PKP4: variants seen among roughly 807,000 people sequenced by gnomAD.
The protein encoded by PKP4 is plakophilin-4.
In PKP4, 90 loss-of-function variants were observed where a neutral mutation model predicts 145.1. The ratio of observed to expected loss-of-function variants is 0.62; its 90% CI spans 0.52 to 0.74. The LOEUF is 0.74. PKP4 is among the 30% of genes least tolerant of loss of function. The pLI is 0.00. For synonymous variants in PKP4, 563 were observed against 577.2 expected, an observed-to-expected ratio of 0.98 and a Z score of 0.35; for missense variants, 1,340 against 1,482.7, an observed-to-expected ratio of 0.90 and a Z score of 1.58.
At chr2:158,542,468 A>G (rs1162520716) in intron 2 of PKP4, among the ~76,000 whole-genome samples, 1 of 152,202 alleles carries the variant, frequency 6.6e-6, no homozygotes, top group Admixed American at 6.5e-5. Context: ...ATGCTGTTGC[A>G]TTTCGCTCAT....
rs1021697560 is a variant in PKP4 at position 158,507,705 on chromosome 2, T to C, written c.-5-25475T>C. Among the ~76,000 whole-genome samples, 6 of 152,060 alleles carry C rather than the reference T, an allele frequency of 3.9e-5. No individual in the cohort carries two copies. The East Asian group carries it at 5.8e-4, about 15-fold the overall frequency. On this transcript the variant is annotated intron_variant, in intron 1 of 21. Transcript: ENST00000389759. ...AACATTGATGTCTTGCTCAAACTTA[T>C]TTTTTTTCTCTCACACATTTCAAAA...
intron 15 of PKP4, among the ~76,000 whole-genome samples, chr2:158,663,966 G>C (rs2056848748): frequency 6.6e-6 from 1 of 152,200 alleles, no homozygotes; most frequent in Non-Finnish European, 1.5e-5. Context: ...CAGGACTACT[G>C]GCTGCCCACT....
chr2:158,635,041 A>C (rs1191481618), intron 9 of PKP4, among the ~76,000 whole-genome samples: 1 of 1,248 alleles, frequency 8.0e-4, no homozygotes, highest in Non-Finnish European at 0.018. Flanking sequence ...TTGTTGCTAA[A>C]TTTTAAGCGC....
chr2:158,605,692 T>A (rs1015217496), intron 4 of PKP4, among the ~76,000 whole-genome samples: 7 of 152,058 alleles, frequency 4.6e-5, no homozygotes, highest in African/African-American at 1.7e-4. Context: ...TACTCTTAAA[T>A]TTTTTTTAGT....
At chr2:158,557,260 A>G (rs1254432108) in intron 2 of PKP4, among the ~76,000 whole-genome samples, 1 of 151,986 alleles carries the variant, frequency 6.6e-6, no homozygotes, top group East Asian at 1.9e-4. Flanking sequence ...AATAATAGCC[A>G]GTAATACTAT....
Position 158,643,351 on chromosome 2 carries a change from T to G in PKP4, c.1909+652T>G, listed in dbSNP as rs59592745. Among the ~76,000 whole-genome samples the G allele has an allele frequency of 6.6e-5, 10 of 152,238 alleles. No individual in the cohort carries two copies. In the East Asian group the frequency reaches 1.7e-3, roughly 26 times the overall value. ...GCTGGATAGGCAGAGGTCTTTCTAG[T>G]TACAAGCTCCGAAACAGCATGGGAT... is the stretch of plus-strand genomic sequence containing the variant. On this transcript the variant is annotated intron_variant, in intron 11 of 21. Transcript: ENST00000389759.
chr2:158,523,837 A>G (rs1011885964), intron 1 of PKP4, among the ~76,000 whole-genome samples: 2 of 139,290 alleles, frequency 1.4e-5, no homozygotes, highest in Non-Finnish European at 3.1e-5. Flanking sequence ...TGAAGAATGC[A>G]GAAGCCTCAG....
rs538386156 is a variant in PKP4 at position 158,530,047 on chromosome 2, A to G, written c.-5-3133A>G. Among the ~76,000 whole-genome samples the G allele has an allele frequency of 4.6e-5, 7 of 152,308 alleles. No homozygotes were observed. In the South Asian group the frequency reaches 1.2e-3, roughly 27 times the overall value. ...GTCAGCAGTTGCCCTTATTCCAGCC[A>G]CATTTCTATGTTAATGACAATGTGA... On this transcript the variant is annotated intron_variant, in intron 1 of 21. Transcript: ENST00000389759.
intron 4 of PKP4, among the ~76,000 whole-genome samples, chr2:158,604,870 A>G (rs2050523724): frequency 6.6e-6 from 1 of 152,232 alleles, no homozygotes; most frequent in African/African-American, 2.4e-5. Context: ...CATGTGGGCC[A>G]GAGTGCTGTG....
chr2:158,664,967 G>T (rs1034216232), intron 15 of PKP4, among the ~76,000 whole-genome samples: 1 of 152,182 alleles, frequency 6.6e-6, no homozygotes, highest in African/African-American at 2.4e-5. Context: ...AATTGAAATC[G>T]ATGTGATTTG....
intron 11 of PKP4, among the ~76,000 whole-genome samples, chr2:158,650,743 C>T (rs1423245052): frequency 2.0e-5 from 3 of 152,238 alleles, no homozygotes; most frequent in Non-Finnish European, 4.4e-5. Context: ...CCGAGCACAG[C>T]TGGACCTGAG....
rs2044501499 is a variant in PKP4, at chr2:158,541,248, T to C, written c.132+7932T>C. 2.6e-5 allele frequency among the ~76,000 whole-genome samples: 4 copies of C among 152,266 alleles called. No individual in the cohort carries two copies. The South Asian group carries it at 8.3e-4, about 32-fold the overall frequency. ...AGGGCTCCCAATTTCTAAATTGCCA[T>C]TTTTGTTACTTTGCAAAAATGTGTC... is the stretch of plus-strand genomic sequence containing the variant. On this transcript the variant is annotated intron_variant, in intron 2 of 21. Transcript: ENST00000389759.
At position 158,640,623 on chromosome 2, in the gene PKP4, G is replaced by A. The variant is rs779482889; in HGVS notation, c.1563-4G>A. ...CTTTCTGAAGCCATGTTTTTCTCAT[G>A]TAGGGAGTTTGCCTGGCGTGATCCT... On this transcript the variant is annotated splice_polypyrimidine_tract_variant and splice_region_variant and intron_variant, in intron 9 of 21. Transcript: ENST00000389759. 1.2e-6 allele frequency: 2 copies of A among 1,612,354 alleles called. No individual in the cohort carries two copies. The highest frequency in any genetic ancestry group is 1.7e-6 in the Non-Finnish European group (2 of 1,179,764).
At chr2:158,483,306 G>GT (rs1224631933) in intron 1 of PKP4, among the ~76,000 whole-genome samples, 2 of 149,326 alleles carry the variant, frequency 1.3e-5, no homozygotes, top group Admixed American at 1.3e-4. Flanking sequence ...TTCTGGGAAT[G>GT]TTTGATCTTT....
intron 1 of PKP4, among the ~76,000 whole-genome samples, chr2:158,464,022 T>A (rs1690199222): frequency 6.6e-6 from 1 of 152,200 alleles, no homozygotes; most frequent in Non-Finnish European, 1.5e-5. Flanking sequence ...CTTACTTGTC[T>A]ACAACCAGTC....
chr2:158,541,174 C>G (rs1431307908), intron 2 of PKP4, among the ~76,000 whole-genome samples: 1 of 152,088 alleles, frequency 6.6e-6, no homozygotes, highest in Non-Finnish European at 1.5e-5. Context: ...TAAAGTTATT[C>G]CGTAGCTATT....
intron 1 of PKP4, among the ~76,000 whole-genome samples, chr2:158,480,610 T>A (rs1266090140): frequency 6.6e-6 from 1 of 151,968 alleles, no homozygotes; most frequent in African/African-American, 2.4e-5. Flanking sequence ...CCAGCATTTC[T>A]TTAAGAGGAA....
At chr2:158,563,822 A>T (rs2105745257) in intron 2 of PKP4, among the ~76,000 whole-genome samples, 1 of 152,030 alleles carries the variant, frequency 6.6e-6, no homozygotes, top group East Asian at 1.9e-4. Flanking sequence ...TTCGAATCTG[A>T]TGTGTTGTTT....
At chr2:158,648,960 T>C (rs1036689634) in intron 11 of PKP4, among the ~76,000 whole-genome samples, 3 of 152,348 alleles carry the variant, frequency 2.0e-5, no homozygotes, top group Admixed American at 2.0e-4. Flanking sequence ...ATCGCGCCAC[T>C]GCACTCCAGC....
Sources: allele counts gnomAD v4.1 joint callset (sites outside exome capture counted in the v4.1 genomes callset), GRCh38; gene constraint gnomAD v4.1.1; transcripts MANE v1.5; gene names NCBI Gene and HGNC (gene_info 2026-07-23, HGNC 2026-07-21).